The following LRP1B variants were observed in gnomAD, a reference collection of about 807,000 sequenced individuals.
The protein encoded by LRP1B is LDL receptor related protein 1B.
LRP1B carries 217 observed loss-of-function variants against 556.6 expected under a neutral mutation model. That is an observed-to-expected ratio of 0.39 (90% CI 0.35 to 0.44). The LOEUF is 0.44. LRP1B is among the 20% of genes least tolerant of loss of function. The pLI is 1.00. For synonymous variants in LRP1B, 2,047 were observed against 1,865.8 expected, an observed-to-expected ratio of 1.10 and a Z score of -2.50; for missense variants, 5,053 against 5,620.8, an observed-to-expected ratio of 0.90 and a Z score of 3.23.
At chr2:142,076,891 A>T (rs1705521197) in intron 1 of LRP1B, among the ~76,000 whole-genome samples, 1 of 152,128 alleles carries the variant, frequency 6.6e-6, no homozygotes, top group Admixed American at 6.6e-5. Flanking sequence ...ATATGTAAAT[A>T]GTTTTTGAGC....
At chr2:141,976,839 A>G (rs1406043914) in intron 1 of LRP1B, among the ~76,000 whole-genome samples, 1 of 152,158 alleles carries the variant, frequency 6.6e-6, no homozygotes. Context: ...TAGTTAGCAT[A>G]AATGTTTTAA....
intron 2 of LRP1B, among the ~76,000 whole-genome samples, chr2:141,717,647 A>G (rs1170990632): frequency 6.6e-6 from 1 of 152,212 alleles, no homozygotes; most frequent in Non-Finnish European, 1.5e-5. Flanking sequence ...TCTCTCTGAA[A>G]GGAAAAGCAG....
chr2:140,364,903 A>T, intron 71 of LRP1B, 120 bp from the exon 72 acceptor site: 1 of 737,766 alleles, frequency 1.4e-6, no homozygotes, highest in Non-Finnish European at 2.1e-6. Context: ...TATATGTATT[A>T]TATTTATTTC....
intron 1 of LRP1B, among the ~76,000 whole-genome samples, chr2:142,099,862 T>C (rs1048913196): frequency 6.6e-6 from 1 of 151,934 alleles, no homozygotes; most frequent in East Asian, 1.9e-4. Flanking sequence ...AAATTACCCA[T>C]AGTAAAAAGT....
chr2:140,683,317 C>A, intron 41 of LRP1B: 1 of 436,066 alleles, frequency 2.3e-6, no homozygotes, highest in South Asian at 1.9e-5. Flanking sequence ...GAGATCTTGA[C>A]CTGGAGGCCC....
chr2:141,708,500 A>C (rs16846922), intron 2 of LRP1B, among the ~76,000 whole-genome samples: 13,178 of 152,164 alleles, frequency 0.087, 1,050 homozygotes, highest in African/African-American at 0.2. Context: ...CTTACAATCT[A>C]TTTTTAAATA....
chr2:141,488,878 T>C (rs34571231), intron 2 of LRP1B, among the ~76,000 whole-genome samples: 1 of 152,108 alleles, frequency 6.6e-6, no homozygotes, highest in Non-Finnish European at 1.5e-5. Context: ...TAAAAACAAA[T>C]GTTTAGTGTC....
At position 140,700,382 on chromosome 2, in the gene LRP1B, T is replaced by C; in HGVS notation, c.6667A>G (p.Asn2223Asp). ...RPYENPRYFKNVIALAFDYNQ... is the reference protein window; with the variant it reads ...RPYENPRYFKDVIALAFDYNQ... ...TAGTCAAAAGCCAAGGCTATGACAT[T>C]CTTGAAATAACGTGGATTCTCATAT... Residue 2223 changes from asparagine to aspartate, a missense_variant, in exon 41 of 91, where the codon AAT (asparagine) becomes GAT (aspartate). Asn to Asp is a conservative substitution (Grantham distance 23). This residue lies in a region of LRP1B where 3,619 missense variants were observed against 3,931.9 expected (regional missense o/e 0.92). Coordinates refer to ENST00000389484, the MANE Select transcript of LRP1B (RefSeq NM_018557.3). 6.2e-7 allele frequency: 1 copy of C among 1,613,460 alleles called. No individual in the cohort carries two copies. Among genetic ancestry groups the C allele is most frequent in the Non-Finnish European group, 8.5e-7 (1 of 1,179,630 alleles).
chr2:140,535,537 T>G (rs1438250286), intron 46 of LRP1B, among the ~76,000 whole-genome samples: 1 of 152,080 alleles, frequency 6.6e-6, no homozygotes, highest in Non-Finnish European at 1.5e-5. Flanking sequence ...CTTTAATTAT[T>G]TAGGTGTAAT....
intron 5 of LRP1B, among the ~76,000 whole-genome samples, chr2:141,243,279 T>A (rs1683948279): frequency 6.6e-6 from 1 of 151,976 alleles, no homozygotes; most frequent in Non-Finnish European, 1.5e-5. Context: ...GGCCAGGAGT[T>A]CAAGACCAGC....
intron 3 of LRP1B, among the ~76,000 whole-genome samples, chr2:141,306,956 G>A (rs1040903564): frequency 1.9e-4 from 29 of 151,864 alleles, no homozygotes; most frequent in African/African-American, 6.8e-4. Context: ...CTCCATTTTG[G>A]TCAGAGAAGA....
At position 140,657,568 on chromosome 2, in the gene LRP1B, CATACATACATATAT is replaced by C. The variant is rs139644457; in HGVS notation, c.6799+42668_6799+42681del. Among the ~76,000 whole-genome samples the C allele has an allele frequency of 3.4e-3, 172 of 50,442 alleles. 2 individuals are homozygous for C. The highest frequency in any genetic ancestry group is 6.1e-3 in the South Asian group (9 of 1,466). 33.1% of individuals were successfully genotyped at this position (50,442 alleles called of 152,430 possible). The stretch of plus-strand genomic sequence containing the variant: ...TAGATATTTCATATATATATATACA[CATACATACATATAT>C]ATACATACATACATATATATACATA... On this transcript the variant is annotated intron_variant, in intron 41 of 90. Coordinates refer to ENST00000389484, the MANE Select transcript of LRP1B (RefSeq NM_018557.3).
Position 140,271,576 on chromosome 2 carries a change from G to A in LRP1B, c.13143-1230C>T, listed in dbSNP as rs74699618. Among the ~76,000 whole-genome samples the A allele has an allele frequency of 2.9e-3, 434 of 152,004 alleles. 3 individuals are homozygous for A. The highest frequency in any genetic ancestry group is 9.8e-3 in the African/African-American group (405 of 41,536). On this transcript the variant is annotated intron_variant, in intron 85 of 90. Transcript: ENST00000389484. ...CCCTCAACTGCTTTTAACATTAATT[G>A]GTGTTTAATTTGAAGATGTTTCTGA...
chr2:141,026,785 T>C (rs374424599), intron 11 of LRP1B, among the ~76,000 whole-genome samples: 15 of 152,088 alleles, frequency 9.9e-5, no homozygotes, highest in Non-Finnish European at 1.9e-4. Flanking sequence ...AAACAGTACA[T>C]TGGGGCAAAG....
chr2:141,453,379 T>G (rs771200441), intron 3 of LRP1B, among the ~76,000 whole-genome samples: 3 of 152,226 alleles, frequency 2.0e-5, no homozygotes, highest in Admixed American at 1.3e-4. Context: ...TTTCTCCCAT[T>G]GTTCAAAAAC....
chr2:142,005,885 TG>T, intron 1 of LRP1B, among the ~76,000 whole-genome samples: 1 of 133,034 alleles, frequency 7.5e-6, no homozygotes. Context: ...TATCCTCTCA[TG>T]AAAAAAAAAA....
intron 18 of LRP1B, among the ~76,000 whole-genome samples, chr2:140,976,155 A>C (rs1185291159): frequency 6.6e-6 from 1 of 151,984 alleles, no homozygotes; most frequent in Non-Finnish European, 1.5e-5. Context: ...TCTGGGCTCA[A>C]GTGATCCACC....
chr2:141,435,099 A>C (rs553707334), intron 3 of LRP1B, among the ~76,000 whole-genome samples: 1 of 152,330 alleles, frequency 6.6e-6, no homozygotes, highest in South Asian at 2.1e-4. Flanking sequence ...GAGAATGCTC[A>C]TGATCTTACA....
chr2:140,415,549 C>T (rs933899431), intron 66 of LRP1B, among the ~76,000 whole-genome samples: 3 of 152,258 alleles, frequency 2.0e-5, no homozygotes, highest in African/African-American at 7.2e-5. Context: ...TATTTCTCAG[C>T]CAGCCAACAC....
Sources: allele counts gnomAD v4.1 joint callset (sites outside exome capture counted in the v4.1 genomes callset), GRCh38; gene constraint gnomAD v4.1.1; regional missense constraint gnomAD v4.1.1; transcripts MANE v1.5; gene names NCBI Gene and HGNC (gene_info 2026-07-23, HGNC 2026-07-21).